The following ZNF385D variants were observed in gnomAD, a reference collection of about 807,000 sequenced individuals.
ZNF385D encodes zinc finger protein 385D.
Under a neutral mutation model 35.8 loss-of-function variants are expected in ZNF385D, and 15 were observed. That is an observed-to-expected ratio of 0.42 (90% CI 0.28 to 0.64). The LOEUF is 0.64. ZNF385D is among the 30% of genes least tolerant of loss of function. The pLI is 0.23. For synonymous variants in ZNF385D, 212 were observed against 186.8 expected, an observed-to-expected ratio of 1.13 and a Z score of -1.10; for missense variants, 474 against 494.6, an observed-to-expected ratio of 0.96 and a Z score of 0.39.
chr3:22,371,114 A>G (rs1444486744), intron 2 of ZNF385D, among the ~76,000 whole-genome samples: 1 of 152,226 alleles, frequency 6.6e-6, no homozygotes, highest in African/African-American at 2.4e-5. Flanking sequence ...ATCAATCTAC[A>G]TAATTTGAAA....
At chr3:21,906,677 GT>G (rs1699701888) in intron 3 of ZNF385D, among the ~76,000 whole-genome samples, 2 of 152,076 alleles carry the variant, frequency 1.3e-5, no homozygotes, top group African/African-American at 2.4e-5. Context: ...CCACAGATTT[GT>G]CCAGACACAG....
At chr3:21,462,687 A>G (rs953481692) in intron 4 of ZNF385D, among the ~76,000 whole-genome samples, 2 of 152,238 alleles carry the variant, frequency 1.3e-5, no homozygotes, top group African/African-American at 4.8e-5. Flanking sequence ...AAAAAAGCTG[A>G]AGAGGCAACA....
intron 2 of ZNF385D, among the ~76,000 whole-genome samples, chr3:22,193,292 T>G (rs143502894): frequency 1.1e-3 from 172 of 152,250 alleles, no homozygotes; most frequent in African/African-American, 4.0e-3. Context: ...TAATGGATTA[T>G]AAAATATTGA....
chr3:22,041,156 A>C lies in ZNF385D; in HGVS notation c.325+127661T>G, dbSNP rs201866311. 1.2e-4 allele frequency among the ~76,000 whole-genome samples: 17 copies of C among 143,792 alleles called. No individual in the cohort carries two copies. The East Asian group carries it at 3.5e-3, about 29-fold the overall frequency. 94.3% of individuals were successfully genotyped at this position (143,792 alleles called of 152,430 possible). ...GGCTCCTGAGCAAGTTCCTATCACC[A>C]AAAGGGTTGATATTTTACCCCTCTC... On this transcript the variant is annotated intron_variant, in intron 3 of 5. Coordinates refer to the ZNF385D transcript ENST00000494108.
chr3:21,667,198 G>C (rs1048482105), intron 1 of ZNF385D, among the ~76,000 whole-genome samples: 2 of 152,184 alleles, frequency 1.3e-5, no homozygotes, highest in African/African-American at 4.8e-5. Context: ...TCTCACTCTT[G>C]TTTCCCAGGC....
At chr3:21,904,563 T>C (rs559093454) in intron 3 of ZNF385D, among the ~76,000 whole-genome samples, 1 of 152,274 alleles carries the variant, frequency 6.6e-6, no homozygotes, top group East Asian at 1.9e-4. Context: ...TTCTGGATTC[T>C]TCTTTCTGTT....
At chr3:22,264,109 G>A (rs1700773066) in intron 2 of ZNF385D, among the ~76,000 whole-genome samples, 1 of 151,914 alleles carries the variant, frequency 6.6e-6, no homozygotes, top group South Asian at 2.1e-4. Flanking sequence ...CAGACTCCAA[G>A]GGGCATAAGG....
chr3:22,317,418 G>C (rs957651069), intron 2 of ZNF385D, among the ~76,000 whole-genome samples: 15 of 151,778 alleles, frequency 9.9e-5, no homozygotes, highest in Non-Finnish European at 8.8e-5. Flanking sequence ...AAGAGACTGG[G>C]AGTCATCACC....
At chr3:22,232,405 C>CT (rs1432930748) in intron 2 of ZNF385D, among the ~76,000 whole-genome samples, 1 of 150,798 alleles carries the variant, frequency 6.6e-6, no homozygotes, top group African/African-American at 2.4e-5. Context: ...TAAAATTATA[C>CT]TTTAAGTTCT....
intron 3 of ZNF385D, among the ~76,000 whole-genome samples, chr3:22,035,010 A>G (rs531109158): frequency 3.6e-4 from 55 of 152,192 alleles, no homozygotes; most frequent in Middle Eastern, 3.4e-3. Context: ...ATTGTTTTGT[A>G]CATAAAATTT....
chr3:22,155,095 T>C (rs552719674), intron 3 of ZNF385D, among the ~76,000 whole-genome samples: 6 of 152,308 alleles, frequency 3.9e-5, no homozygotes, highest in African/African-American at 1.4e-4. Context: ...ATTGACAGAA[T>C]TGCAACTTCT....
intron 1 of ZNF385D, among the ~76,000 whole-genome samples, chr3:21,691,805 C>G (rs1490941815): frequency 6.6e-6 from 1 of 152,204 alleles, no homozygotes; most frequent in Admixed American, 6.5e-5. Context: ...TACTGCCATG[C>G]AGCCATCACC....
At chr3:22,119,961 C>T (rs933031810) in intron 3 of ZNF385D, among the ~76,000 whole-genome samples, 3 of 151,086 alleles carry the variant, frequency 2.0e-5, no homozygotes, top group African/African-American at 7.3e-5. Context: ...GGACCACAGG[C>T]ATGCTCCAAC....
intron 3 of ZNF385D, among the ~76,000 whole-genome samples, chr3:21,932,581 G>A (rs961905528): frequency 1.3e-5 from 2 of 151,792 alleles, no homozygotes; most frequent in Non-Finnish European, 2.9e-5. Flanking sequence ...TGATTACGTG[G>A]GGAGACAAAA....
chr3:21,788,298 G>C, intron 3 of ZNF385D, among the ~76,000 whole-genome samples: 1 of 152,168 alleles, frequency 6.6e-6, no homozygotes, highest in South Asian at 2.1e-4. Context: ...GGCCAATGCG[G>C]GGAAACCCCG....
At chr3:21,998,608 A>G (rs1380955948) in intron 3 of ZNF385D, among the ~76,000 whole-genome samples, 2 of 152,220 alleles carry the variant, frequency 1.3e-5, no homozygotes, top group Admixed American at 6.5e-5. Context: ...ATCAGTTGTT[A>G]CTAGCCCAGC....
intron 3 of ZNF385D, among the ~76,000 whole-genome samples, chr3:22,083,942 A>C (rs1227853723): frequency 6.6e-6 from 1 of 152,208 alleles, no homozygotes; most frequent in African/African-American, 2.4e-5. Flanking sequence ...ATTCTTAAAG[A>C]AAAGAATTTT....
intron 3 of ZNF385D, among the ~76,000 whole-genome samples, chr3:21,917,171 G>T (rs7646883): frequency 7.2e-5 from 11 of 151,924 alleles, no homozygotes; most frequent in Non-Finnish European, 1.3e-4. Context: ...GTGGCTCATG[G>T]CTGTAATCCC....
chr3:22,329,603 G>A (rs1425302073), intron 2 of ZNF385D, among the ~76,000 whole-genome samples: 2 of 151,986 alleles, frequency 1.3e-5, no homozygotes, highest in Admixed American at 1.3e-4. Flanking sequence ...TTTACTAATG[G>A]CTCTTTAACT....
Sources: allele counts gnomAD v4.1 joint callset (sites outside exome capture counted in the v4.1 genomes callset), GRCh38; gene constraint gnomAD v4.1.1; transcripts MANE v1.5; gene names NCBI Gene and HGNC (gene_info 2026-07-23, HGNC 2026-07-21).